The following LARGE1 variants were observed in gnomAD, a reference collection of about 807,000 sequenced individuals.
LARGE1 encodes LARGE xylosyl- and glucuronyltransferase 1, also known as xylosyl- and glucuronyltransferase LARGE1.
A neutral mutation model predicts 87.6 loss-of-function variants in LARGE1; 43 were observed. That is an observed-to-expected ratio of 0.49 (90% CI 0.38 to 0.63). The LOEUF is 0.63. LARGE1 is among the 30% of genes least tolerant of loss of function. LARGE1 has a pLI of 0.00. For synonymous variants in LARGE1, 434 were observed against 394.6 expected (o/e 1.10, Z -1.18); for missense variants, 802 against 1,000.2 (o/e 0.80, Z 2.67).
At chr22:33,344,279 A>C (rs962976693) in intron 9 of LARGE1, among the ~76,000 whole-genome samples, 1 of 152,174 alleles carries the variant, frequency 6.6e-6, no homozygotes, top group East Asian at 1.9e-4. Context: ...TATTCAACAG[A>C]TAGTAAGATG....
chr22:33,547,752 C>A (rs1249657301), intron 6 of LARGE1, among the ~76,000 whole-genome samples: 1 of 127,850 alleles, frequency 7.8e-6, no homozygotes, highest in Non-Finnish European at 1.5e-5. Flanking sequence ...TGAAACTGTG[C>A]CACTGCACTC....
At chr22:33,330,343 G>A (rs1401820799) in intron 10 of LARGE1, among the ~76,000 whole-genome samples, 1 of 151,984 alleles carries the variant, frequency 6.6e-6, no homozygotes, top group African/African-American at 2.4e-5. Flanking sequence ...TAATTTTAGG[G>A]ACTGGGTTTT....
At chr22:33,720,127 A>C (rs537491845) in intron 2 of LARGE1, among the ~76,000 whole-genome samples, 33 of 151,982 alleles carry the variant, frequency 2.2e-4, no homozygotes, top group Non-Finnish European at 3.8e-4. Context: ...TAATTATACA[A>C]CTCACCATAA....
At chr22:33,516,672 T>C (rs59263038) in intron 6 of LARGE1, among the ~76,000 whole-genome samples, 152,119 of 152,152 alleles carry the variant, frequency 1, 76,043 homozygotes, top group Non-Finnish European at 1. Context: ...CACTGCAAAC[T>C]TCCGCCTTCC....
At chr22:33,573,930 A>G (rs1458423744) in intron 5 of LARGE1, among the ~76,000 whole-genome samples, 2 of 141,480 alleles carry the variant, frequency 1.4e-5, no homozygotes, top group Admixed American at 1.4e-4. Flanking sequence ...TCTTTACAAC[A>G]TGCTGGCTTC....
At chr22:33,461,768 T>G (rs1188964699) in intron 6 of LARGE1, among the ~76,000 whole-genome samples, 1 of 152,054 alleles carries the variant, frequency 6.6e-6, no homozygotes, top group Admixed American at 6.5e-5. Context: ...CTCTTATTGT[T>G]TACTCTCTTT....
Position 33,823,140 on chromosome 22 carries a change from G to T in LARGE1, c.-82-61582C>A, listed in dbSNP as rs919982622. On this transcript the variant is annotated intron_variant, in intron 1 of 14. Transcript: ENST00000397394. ...CTAATCCATCCTGACAAATATAAAT[G>T]ATGTATTAAAAAAGAATAACAAGTC... is the stretch of plus-strand genomic sequence containing the variant. 2.0e-5 allele frequency among the ~76,000 whole-genome samples: 3 copies of T among 152,136 alleles called. No homozygotes were observed. In the East Asian group the frequency reaches 5.8e-4, roughly 29 times the overall value.
chr22:33,721,823 C>A (rs781643708), intron 2 of LARGE1, among the ~76,000 whole-genome samples: 1 of 152,200 alleles, frequency 6.6e-6, no homozygotes, highest in South Asian at 2.1e-4. Context: ...TTGGTACAAG[C>A]AGGAACACAA....
chr22:33,218,659 A>G (rs986031377), intron 11 of LARGE1, among the ~76,000 whole-genome samples: 5 of 152,202 alleles, frequency 3.3e-5, no homozygotes, highest in African/African-American at 1.2e-4. Flanking sequence ...CTGTACATAT[A>G]GTACTATATT....
At chr22:33,512,474 A>C (rs533643840) in intron 6 of LARGE1, among the ~76,000 whole-genome samples, 2 of 152,344 alleles carry the variant, frequency 1.3e-5, no homozygotes, top group South Asian at 2.1e-4. Flanking sequence ...ACAGTCTTTA[A>C]AAATATACAG....
chr22:33,529,750 G>C (rs899919746), intron 6 of LARGE1, among the ~76,000 whole-genome samples: 4 of 152,184 alleles, frequency 2.6e-5, no homozygotes, highest in African/African-American at 9.7e-5. Flanking sequence ...AAGCACACGG[G>C]CTTCAAAGGC....
At chr22:33,605,235 G>C (rs543940559) in intron 4 of LARGE1, among the ~76,000 whole-genome samples, 1 of 152,208 alleles carries the variant, frequency 6.6e-6, no homozygotes, top group East Asian at 1.9e-4. Context: ...CAACCAAGCG[G>C]TTACTTTAAT....
chr22:33,539,722 CT>C (rs2077138626), intron 6 of LARGE1, among the ~76,000 whole-genome samples: 1 of 88,174 alleles, frequency 1.1e-5, no homozygotes, highest in Non-Finnish European at 2.5e-5. Flanking sequence ...TACCAAGTAG[CT>C]GGGACCACAC....
intron 9 of LARGE1, among the ~76,000 whole-genome samples, chr22:33,339,648 A>G (rs934694888): frequency 6.6e-6 from 1 of 152,096 alleles, no homozygotes; most frequent in Non-Finnish European, 1.5e-5. Flanking sequence ...GAGACAAGAT[A>G]TGCACAAGAA....
intron 6 of LARGE1, among the ~76,000 whole-genome samples, chr22:33,493,377 T>C (rs2069950675): frequency 6.6e-6 from 1 of 151,962 alleles, no homozygotes; most frequent in Non-Finnish European, 1.5e-5. Flanking sequence ...GCCAGGCTGG[T>C]CTTGAACTCC....
rs182883662 is a variant in LARGE1 at position 33,205,467 on chromosome 22, A to G, written c.1731-38635T>C. ...ATATTTCAGTGGATGGAGACAGATA[A>G]TAAATAGCACATAAACAAATAAATA... On this transcript the variant is annotated intron_variant, in intron 11 of 11. Transcript: ENST00000608642. 2.0e-3 allele frequency among the ~76,000 whole-genome samples: 301 copies of G among 152,336 alleles called. 2 individuals are homozygous for G. The highest frequency in any genetic ancestry group is 7.0e-3 in the African/African-American group (292 of 41,578).
rs142866735 is a variant in LARGE1 at position 33,650,403 on chromosome 22, G to C, written c.372C>G (p.Ser124=). Reference sequence around the variant, plus strand: ...CCACGACCGGCTGCTGCCCACACTCGGAGCTGTTGCCTGCCACGATGCCAG... The same window carrying C: ...CCACGACCGGCTGCTGCCCACACTCCGAGCTGTTGCCTGCCACGATGCCAG... The part of the protein sequence containing the change: ...LRAGIVAGNS[S]ECGQQPVVEK... Residue 124 remains serine (S), a synonymous_variant, in exon 3 of 15, where the codon TCC becomes TCG. Transcript: ENST00000397394. 1 of 1,614,048 alleles carries C rather than the reference G, an allele frequency of 6.2e-7. No individual in the cohort carries two copies. Among genetic ancestry groups the C allele is most frequent in the Non-Finnish European group, 8.5e-7 (1 of 1,180,036 alleles).
intron 10 of LARGE1, among the ~76,000 whole-genome samples, chr22:33,334,189 G>T (rs1268708453): frequency 6.6e-6 from 1 of 151,966 alleles, no homozygotes; most frequent in Non-Finnish European, 1.5e-5. Flanking sequence ...GAGGCAGGTG[G>T]ATCATGAAAG....
At chr22:33,574,699 T>C (rs1014225831) in intron 5 of LARGE1, among the ~76,000 whole-genome samples, 3 of 14,472 alleles carry the variant, frequency 2.1e-4, no homozygotes, top group African/African-American at 1.2e-3. Flanking sequence ...TGTGTGTGTG[T>C]GTGTGTGTGT....
Sources: gnomAD v4.1 joint callset for allele counts (sites outside exome capture counted in the v4.1 genomes callset) on GRCh38, gnomAD v4.1.1 for gene constraint, MANE v1.5 for transcripts, NCBI Gene and HGNC (gene_info 2026-07-23, HGNC 2026-07-21) for gene names.